ESR1: variants seen among roughly 807,000 people sequenced by gnomAD.
ESR1 encodes estrogen receptor.
ESR1 carries 12 observed loss-of-function variants against 52.7 expected under a neutral mutation model. The ratio of observed to expected loss-of-function variants is 0.23; its 90% CI spans 0.15 to 0.37. The LOEUF (loss-of-function observed/expected upper bound fraction) is 0.37. ESR1 is among the 10% of genes least tolerant of loss of function. The pLI, the probability that ESR1 is intolerant of heterozygous loss-of-function variation, is 1.00. For missense variants in ESR1, 584 were observed against 779.7 expected, an observed-to-expected ratio of 0.75 and a Z score of 2.99; for synonymous variants, 305 against 316.8, an observed-to-expected ratio of 0.96 and a Z score of 0.39.
chr6:152,097,965 G>C (rs1276871084), intron 7 of ESR1, among the ~76,000 whole-genome samples: 1 of 152,206 alleles, frequency 6.6e-6, no homozygotes, highest in Non-Finnish European at 1.5e-5. Flanking sequence ...AAAGAGGAAG[G>C]CTGAGCCTGC....
intron 5 of ESR1, among the ~76,000 whole-genome samples, chr6:152,057,741 T>C (rs1412256865): frequency 6.7e-6 from 1 of 150,168 alleles, no homozygotes; most frequent in Non-Finnish European, 1.5e-5. Flanking sequence ...GAGAACTGAA[T>C]TGAGAGTTTG....
At chr6:151,972,439 G>A (rs2144024) in intron 4 of ESR1, among the ~76,000 whole-genome samples, 130,277 of 152,188 alleles carry the variant, frequency 0.86, 56,070 homozygotes, top group Middle Eastern at 0.93. Flanking sequence ...CAGCATATCA[G>A]AAAGATAATC....
intron 1 of ESR1, among the ~76,000 whole-genome samples, chr6:151,673,482 A>G (rs1778148246): frequency 6.6e-6 from 1 of 152,144 alleles, no homozygotes; most frequent in African/African-American, 2.4e-5. Context: ...CTCTTTTTCA[A>G]AGTAGCGTGG....
At chr6:151,771,235 T>A (rs577392667) in intron 2 of ESR1, among the ~76,000 whole-genome samples, 5 of 152,258 alleles carry the variant, frequency 3.3e-5, no homozygotes, top group African/African-American at 1.2e-4. Context: ...TCAAGAGCTA[T>A]AGAATTGTAT....
intron 2 of ESR1, among the ~76,000 whole-genome samples, chr6:151,863,158 T>C (rs1170276185): frequency 2.0e-5 from 3 of 152,164 alleles, no homozygotes. Context: ...TGGTTCCATA[T>C]GAACTTTAAA....
intron 1 of ESR1, among the ~76,000 whole-genome samples, chr6:151,831,265 C>T (rs1281455166): frequency 6.6e-6 from 1 of 151,970 alleles, no homozygotes; most frequent in Non-Finnish European, 1.5e-5. Context: ...ACCTCAACCT[C>T]CTGAGTAGCT....
chr6:152,016,646 A>G (rs1301225259), intron 5 of ESR1, among the ~76,000 whole-genome samples: 1 of 152,176 alleles, frequency 6.6e-6, no homozygotes, highest in Non-Finnish European at 1.5e-5. Flanking sequence ...CCCCTTTAAT[A>G]AAATAGAGCT....
intron 2 of ESR1, among the ~76,000 whole-genome samples, chr6:151,789,466 T>C (rs75429871): frequency 3.9e-5 from 6 of 152,150 alleles, no homozygotes; most frequent in African/African-American, 1.4e-4. Flanking sequence ...CTATCAGTTA[T>C]AGGATCCATT....
At chr6:151,883,501 C>T (rs1005068035) in intron 3 of ESR1, among the ~76,000 whole-genome samples, 2 of 151,612 alleles carry the variant, frequency 1.3e-5, no homozygotes, top group African/African-American at 2.4e-5. Flanking sequence ...CCTCTGCGTC[C>T]GAGCACTCTT....
chr6:151,672,567 C>T (rs536105377), intron 1 of ESR1, among the ~76,000 whole-genome samples: 10 of 151,754 alleles, frequency 6.6e-5, no homozygotes, highest in African/African-American at 2.4e-4. Flanking sequence ...AAACTTCTGA[C>T]CTCAGGTGAT....
intron 5 of ESR1, among the ~76,000 whole-genome samples, chr6:152,043,460 G>A (rs1017801485): frequency 1.4e-4 from 21 of 152,192 alleles, no homozygotes; most frequent in Admixed American, 5.9e-4. Flanking sequence ...GGAGTGTAGC[G>A]CACCTCCTTG....
At chr6:151,816,211 G>A (rs1035797898) in intron 1 of ESR1, among the ~76,000 whole-genome samples, 4 of 152,166 alleles carry the variant, frequency 2.6e-5, no homozygotes, top group African/African-American at 4.8e-5. Context: ...TCAATGCAAT[G>A]GTTCAGTATT....
chr6:152,127,222 C>T (rs76047609), exon 7 of ESR1: 8 of 152,244 alleles, frequency 5.3e-5, no homozygotes, highest in African/African-American at 1.7e-4. Context: ...CAGAGTGGTA[C>T]GGTTAACGGG....
chr6:151,940,032 C>T (rs1311535394), intron 3 of ESR1, among the ~76,000 whole-genome samples: 1 of 152,014 alleles, frequency 6.6e-6, no homozygotes, highest in African/African-American at 2.4e-5. Flanking sequence ...ATACTTGAGA[C>T]TGGGTAATTT....
At chr6:152,111,056 C>T (rs117087970) in intron 6 of ESR1, among the ~76,000 whole-genome samples, 2,002 of 152,222 alleles carry the variant, frequency 0.013, 28 homozygotes, top group Non-Finnish European at 0.02. Context: ...AAGCCTGCAG[C>T]GGTGGCACCC....
intron 1 of ESR1, chr6:151,690,707 A>G (rs1489016762): frequency 6.6e-6 from 1 of 152,026 alleles, no homozygotes; most frequent in African/African-American, 2.4e-5. Context: ...TTCCTTTTTG[A>G]TATAATGTGC....
At chr6:152,027,846 T>G (rs1384004839) in intron 5 of ESR1, among the ~76,000 whole-genome samples, 2 of 152,174 alleles carry the variant, frequency 1.3e-5, no homozygotes, top group Non-Finnish European at 2.9e-5. Context: ...ATTTATAGTT[T>G]TAAATATTTG....
At chr6:151,896,870 A>G (rs1043243497) in intron 3 of ESR1, among the ~76,000 whole-genome samples, 1 of 151,926 alleles carries the variant, frequency 6.6e-6, no homozygotes, top group Non-Finnish European at 1.5e-5. Context: ...AGAGGTTTGG[A>G]TGGTTGTGTC....
At chr6:151,781,193 A>G (rs1002948289) in intron 2 of ESR1, among the ~76,000 whole-genome samples, 8 of 152,222 alleles carry the variant, frequency 5.3e-5, no homozygotes, top group Non-Finnish European at 1.2e-4. Context: ...TTGTGCTGCT[A>G]TAAGAGAGCA....
Sources: gnomAD v4.1 joint callset for allele counts (sites outside exome capture counted in the v4.1 genomes callset) on GRCh38, gnomAD v4.1.1 for gene constraint, MANE v1.5 for transcripts, NCBI Gene and HGNC (gene_info 2026-07-23, HGNC 2026-07-21) for gene names.